SMYD3: variants seen among roughly 807,000 people sequenced by gnomAD.
SMYD3 encodes the protein SET and MYND domain containing 3.
Under a neutral mutation model 57.7 loss-of-function variants are expected in SMYD3, and 36 were observed. The observed-to-expected ratio is 0.62, with a 90% CI of 0.48 to 0.82. The LOEUF (loss-of-function observed/expected upper bound fraction) is 0.82. Ranked by LOEUF, SMYD3 falls within the 40% of genes least tolerant of loss-of-function variation. The probability of loss-of-function intolerance (pLI) is 0.00; values close to 1 mark genes in which losing one functional copy is unlikely to be tolerated. For synonymous variants in SMYD3, 211 were observed against 195.0 expected (o/e 1.08, Z -0.68); for missense variants, 515 against 538.8 (o/e 0.96, Z 0.44).
In SMYD3 at chr1:246,501,641, C is replaced by T. The variant is rs371630500; in HGVS notation, c.164+5413G>A. 7.2e-5 allele frequency among the ~76,000 whole-genome samples: 11 copies of T among 152,298 alleles called. No homozygotes were observed. The South Asian group carries it at 1.5e-3, about 20-fold the overall frequency. On this transcript the variant is annotated intron_variant, in intron 1 of 11. Transcript: ENST00000490107. ...TGAGAAACCATGATCCACAATTACA[C>T]CCTCCCTTGCCTACAACTTCAACTT... is the stretch of plus-strand genomic sequence containing the variant.
intron 5 of SMYD3, among the ~76,000 whole-genome samples, chr1:246,238,390 A>G (rs1342937202): frequency 1.3e-5 from 2 of 152,134 alleles, no homozygotes; most frequent in African/African-American, 2.4e-5. Flanking sequence ...ATTATTTTAC[A>G]CTGTCAGTGA....
In SMYD3 at chr1:246,348,060, T is replaced by TTATATATATATATATATATATATA. The variant is rs200573424; in HGVS notation, c.228+6970_228+6971insTATATATATATATATATATATATA. On this transcript the variant is annotated intron_variant, in intron 2 of 11. Transcript: ENST00000490107. ...ATTGGTGGACTGAATAAAGAAAACG[T>TTATATATATATATATATATATATA]TATATATATATATATATACACACAC... Among the ~76,000 whole-genome samples, 188 of 82,904 alleles carry TTATATATATATATATATATATATA rather than the reference T, an allele frequency of 2.3e-3. 6 individuals are homozygous for TTATATATATATATATATATATATA. Among genetic ancestry groups the TTATATATATATATATATATATATA allele is most frequent in the African/African-American group, 6.0e-3 (141 of 23,662 alleles). The allele number at this position is 82,904 out of a possible 152,430, so 54.4% of individuals were successfully genotyped here.
At chr1:246,368,979 AT>A (rs2066150599) in intron 1 of SMYD3, among the ~76,000 whole-genome samples, 1 of 152,256 alleles carries the variant, frequency 6.6e-6, no homozygotes, top group South Asian at 2.1e-4. Flanking sequence ...ATAGATAGAT[AT>A]TCCATTAGTT....
At chr1:245,875,928 C>T (rs900890633) in intron 8 of SMYD3, among the ~76,000 whole-genome samples, 2 of 152,198 alleles carry the variant, frequency 1.3e-5, no homozygotes, top group Admixed American at 6.5e-5. Flanking sequence ...TTGCTCTGTG[C>T]AAGAACAAGG....
intron 5 of SMYD3, among the ~76,000 whole-genome samples, chr1:246,313,209 G>A (rs905507209): frequency 3.3e-5 from 5 of 152,152 alleles, no homozygotes; most frequent in Non-Finnish European, 7.3e-5. Context: ...CCTGGGCAAA[G>A]TGGGTATTGT....
At chr1:246,436,306 G>A (rs1263164818) in intron 1 of SMYD3, among the ~76,000 whole-genome samples, 1 of 151,864 alleles carries the variant, frequency 6.6e-6, no homozygotes, top group Non-Finnish European at 1.5e-5. Context: ...TGAACTAAAA[G>A]TTACAAATTT....
chr1:246,229,800 T>C (rs1233007372), intron 5 of SMYD3, among the ~76,000 whole-genome samples: 1 of 152,226 alleles, frequency 6.6e-6, no homozygotes, highest in African/African-American at 2.4e-5. Context: ...ACTGATATAG[T>C]GGCAATTAAA....
At chr1:245,788,165 C>T (rs1572337674) in intron 10 of SMYD3, among the ~76,000 whole-genome samples, 1 of 151,916 alleles carries the variant, frequency 6.6e-6, no homozygotes, top group Admixed American at 6.6e-5. Flanking sequence ...GAATGGTGAC[C>T]AGACTAGCAC....
At position 246,361,599 on chromosome 1, in the gene SMYD3, G is replaced by T. The variant is rs528665896; in HGVS notation, c.165-6505C>A. Among the ~76,000 whole-genome samples the T allele has an allele frequency of 9.9e-5, 15 of 152,262 alleles. No homozygotes were observed. The South Asian group carries it at 2.7e-3, about 27-fold the overall frequency. On this transcript the variant is annotated intron_variant, in intron 1 of 11. Coordinates refer to ENST00000490107, the MANE Select transcript of SMYD3 (RefSeq NM_001167740.2). ...AAAATGTGGTATATATATACACCAT[G>T]GAATAACACTCAACCATAAAAAGGA... is the stretch of plus-strand genomic sequence containing the variant.
chr1:245,793,548 T>C (rs1211947008), intron 10 of SMYD3, among the ~76,000 whole-genome samples: 1 of 152,038 alleles, frequency 6.6e-6, no homozygotes, highest in Non-Finnish European at 1.5e-5. Context: ...ACATCTCATT[T>C]TACCCATCAG....
chr1:245,915,507 C>T, intron 8 of SMYD3, 23 bp downstream of exon 8: 1 of 1,522,246 alleles, frequency 6.6e-7, no homozygotes, highest in Non-Finnish European at 9.1e-7. Flanking sequence ...GGAGGTGTTT[C>T]AATCTGGTTC....
intron 5 of SMYD3, among the ~76,000 whole-genome samples, chr1:246,012,697 T>G (rs556257090): frequency 6.6e-6 from 1 of 152,300 alleles, no homozygotes; most frequent in East Asian, 1.9e-4. Flanking sequence ...CAGGCATCAT[T>G]TCCCTTGAGG....
At chr1:245,874,897 A>G (rs1248154868) in intron 8 of SMYD3, among the ~76,000 whole-genome samples, 1 of 152,242 alleles carries the variant, frequency 6.6e-6, no homozygotes, top group Non-Finnish European at 1.5e-5. Context: ...TGAGGAGAAC[A>G]CTACTTTGTA....
intron 1 of SMYD3, among the ~76,000 whole-genome samples, chr1:246,391,420 A>G (rs377595749): frequency 7.7e-6 from 1 of 130,058 alleles, no homozygotes; most frequent in Non-Finnish European, 1.7e-5. Context: ...GAGAGAGAAA[A>G]AGAGAGAGAG....
intron 5 of SMYD3, among the ~76,000 whole-genome samples, chr1:246,148,792 T>G (rs752646668): frequency 1.3e-4 from 20 of 152,136 alleles, no homozygotes; most frequent in Non-Finnish European, 2.2e-4. Flanking sequence ...CTCCCCAACA[T>G]TTTCCAGGGA....
At chr1:246,157,493 AT>A (rs1187511144) in intron 5 of SMYD3, among the ~76,000 whole-genome samples, 1 of 152,178 alleles carries the variant, frequency 6.6e-6, no homozygotes, top group East Asian at 1.9e-4. Flanking sequence ...GCCAACAGAC[AT>A]TCCCTCCCAA....
chr1:246,324,972 AGGAGAAGGAGTCAGGGGGCGGGAAGGAG>A (rs1553333519), intron 5 of SMYD3, among the ~76,000 whole-genome samples: 47 of 123,592 alleles, frequency 3.8e-4, no homozygotes, highest in East Asian at 1.1e-3. Flanking sequence ...TGAACAAGGA[AGGAGAAGGAGTCAGGGGGCGGGAAGGAG>A]GGAGAAGGAG....
intron 7 of SMYD3, among the ~76,000 whole-genome samples, chr1:245,926,243 G>T (rs958922381): frequency 6.6e-6 from 1 of 152,212 alleles, no homozygotes; most frequent in African/African-American, 2.4e-5. Context: ...TGGAATCTGG[G>T]GGACATGTTT....
At chr1:246,373,944 C>T (rs2066230744) in intron 1 of SMYD3, among the ~76,000 whole-genome samples, 1 of 152,182 alleles carries the variant, frequency 6.6e-6, no homozygotes, top group African/African-American at 2.4e-5. Context: ...CTGATTCATT[C>T]TTTCAACAAA....
Sources: allele counts gnomAD v4.1 joint callset (sites outside exome capture counted in the v4.1 genomes callset), GRCh38; gene constraint gnomAD v4.1.1; transcripts MANE v1.5; gene names NCBI Gene and HGNC (gene_info 2026-07-23, HGNC 2026-07-21).